The following KIAA1549L variants were observed in gnomAD, a reference collection of about 807,000 sequenced individuals.
KIAA1549L encodes the protein UPF0606 protein KIAA1549L.
KIAA1549L carries 88 observed loss-of-function variants against 160.7 expected under a neutral mutation model. The observed-to-expected ratio is 0.55, with a 90% CI of 0.46 to 0.65. The LOEUF is 0.65. Among genes scored for constraint, KIAA1549L ranks in the 30% least tolerant of loss-of-function variants. The pLI, the probability that KIAA1549L is intolerant of heterozygous loss-of-function variation, is 0.00. For missense variants in KIAA1549L, 2,258 were observed against 2,437.5 expected (o/e 0.93, Z 1.55); for synonymous variants, 950 against 976.7 (o/e 0.97, Z 0.51).
At chr11:33,463,995 G>T (rs950603083) in intron 1 of KIAA1549L, among the ~76,000 whole-genome samples, 1 of 152,160 alleles carries the variant, frequency 6.6e-6, no homozygotes, top group Non-Finnish European at 1.5e-5. Flanking sequence ...TGTTTGTTTA[G>T]TGCTTACCCT....
chr11:33,427,651 G>A (rs1851146204), intron 1 of KIAA1549L, among the ~76,000 whole-genome samples: 1 of 152,014 alleles, frequency 6.6e-6, no homozygotes, highest in Non-Finnish European at 1.5e-5. Flanking sequence ...TACCATAGAA[G>A]TCATCATTTT....
intron 16 of KIAA1549L, among the ~76,000 whole-genome samples, chr11:33,642,855 A>G (rs1181796343): frequency 6.6e-6 from 1 of 152,212 alleles, no homozygotes; most frequent in Non-Finnish European, 1.5e-5. Context: ...TCTATCTAAC[A>G]AGGGGAAGTG....
intron 1 of KIAA1549L, among the ~76,000 whole-genome samples, chr11:33,541,396 G>A (rs1343310395): frequency 2.0e-5 from 3 of 152,130 alleles, no homozygotes; most frequent in Admixed American, 6.6e-5. Flanking sequence ...AAAAAGATTC[G>A]TGCTTGAATA....
intron 18 of KIAA1549L, among the ~76,000 whole-genome samples, chr11:33,658,304 C>T (rs868444581): frequency 1.3e-5 from 2 of 152,090 alleles, no homozygotes; most frequent in African/African-American, 4.8e-5. Context: ...CCAGCTGTCC[C>T]GGGTCCCCTT....
intron 1 of KIAA1549L, among the ~76,000 whole-genome samples, chr11:33,435,759 G>GAGAGATATATAT: frequency 6.7e-5 from 1 of 14,988 alleles, no homozygotes; most frequent in East Asian, 1.9e-3. Flanking sequence ...GAACCAATAA[G>GAGAGATATATAT]ATATATATAT....
chr11:33,532,553 A>G (rs932747060), intron 1 of KIAA1549L, among the ~76,000 whole-genome samples: 2 of 152,228 alleles, frequency 1.3e-5, no homozygotes, highest in East Asian at 3.8e-4. Flanking sequence ...TGGCACACAG[A>G]GATGTTAAGT....
chr11:33,461,808 G>C (rs910087196), intron 1 of KIAA1549L, among the ~76,000 whole-genome samples: 2 of 152,208 alleles, frequency 1.3e-5, no homozygotes, highest in Non-Finnish European at 2.9e-5. Flanking sequence ...TTTTGCAGAT[G>C]TAGAAATTGA....
At chr11:33,406,353 C>T (rs1042683894) in intron 1 of KIAA1549L, among the ~76,000 whole-genome samples, 24 of 152,244 alleles carry the variant, frequency 1.6e-4, no homozygotes, top group African/African-American at 5.3e-4. Context: ...GGGTTCCTGC[C>T]GGCTGCGACT....
At chr11:33,448,185 C>T (rs4756694) in intron 1 of KIAA1549L, among the ~76,000 whole-genome samples, 23,909 of 152,056 alleles carry the variant, frequency 0.16, 2,475 homozygotes, top group East Asian at 0.32. Flanking sequence ...CCTATTAACC[C>T]GTCATCTAGG....
rs898168580 is a variant in KIAA1549L, at chr11:33,668,233, C to G, written c.*79C>G. The G allele has an allele frequency of 7.4e-7, 1 of 1,349,586 alleles. No homozygotes were observed. Among genetic ancestry groups the G allele is most frequent in the Admixed American group, 2.1e-5 (1 of 47,474 alleles). The allele number at this position is 1,349,586 out of a possible 1,614,324, so 83.6% of individuals were successfully genotyped here. On this transcript the variant is annotated 3_prime_UTR_variant, in exon 21 of 21. Transcript: ENST00000658780. Reference sequence around the variant, plus strand: ...GGTTTCCCATGCCTACGTGTTAGGACTTGAGACATAGCAATGGGTGAGTCT... The same window carrying G: ...GGTTTCCCATGCCTACGTGTTAGGAGTTGAGACATAGCAATGGGTGAGTCT...
intron 15 of KIAA1549L, among the ~76,000 whole-genome samples, chr11:33,613,605 T>G (rs946299501): frequency 6.6e-6 from 1 of 152,236 alleles, no homozygotes; most frequent in Middle Eastern, 3.4e-3. Flanking sequence ...GAGAACTCAT[T>G]GTCACAGGGA....
At chr11:33,424,623 T>C (rs552303094) in intron 1 of KIAA1549L, among the ~76,000 whole-genome samples, 45 of 152,348 alleles carry the variant, frequency 3.0e-4, no homozygotes, top group African/African-American at 1.0e-3. Flanking sequence ...GAGCTTATGT[T>C]AAGAAATAAA....
At chr11:33,565,430 A>G (rs1288053155) in intron 8 of KIAA1549L, among the ~76,000 whole-genome samples, 1 of 152,152 alleles carries the variant, frequency 6.6e-6, no homozygotes, top group Non-Finnish European at 1.5e-5. Flanking sequence ...ATCCTTTCTT[A>G]ACAGTGACAC....
intron 1 of KIAA1549L, among the ~76,000 whole-genome samples, chr11:33,486,329 C>A (rs1852525609): frequency 2.0e-5 from 3 of 152,258 alleles, no homozygotes; most frequent in African/African-American, 7.2e-5. Flanking sequence ...TATGATCCAG[C>A]AATTCCACTT....
At chr11:33,409,149 G>A (rs1021238805) in intron 1 of KIAA1549L, among the ~76,000 whole-genome samples, 4 of 151,506 alleles carry the variant, frequency 2.6e-5, no homozygotes, top group African/African-American at 7.3e-5. Flanking sequence ...TTTTGGAAGC[G>A]TTTACAAAGT....
At position 33,568,129 on chromosome 11, in the gene KIAA1549L, C is replaced by T. The variant is rs375194170; in HGVS notation, c.4132C>T (p.Arg1378Trp). 3.3e-5 allele frequency: 54 copies of T among 1,612,696 alleles called. No individual in the cohort carries two copies. Among genetic ancestry groups the T allele is most frequent in the South Asian group, 9.9e-5 (9 of 90,742 alleles). Residue 1378 changes from arginine to tryptophan, a missense_variant, in exon 9 of 21, where the codon CGG becomes TGG. This residue lies in a region of KIAA1549L where 1,359 missense variants were observed against 1,546.6 expected (regional missense o/e 0.88). Coordinates refer to ENST00000658780, the MANE Select transcript of KIAA1549L (RefSeq NM_012194.3). The stretch of plus-strand genomic sequence containing the variant: ...GGGCCTGCACAACCAGAGCTTTGCC[C>T]GGGTCATGGAGCAGCGCCTGGCCCA... The part of the protein sequence containing the change: ...LVGLHNQSFA[R>W]VMEQRLAQLF...
intron 16 of KIAA1549L, among the ~76,000 whole-genome samples, chr11:33,637,163 CT>C (rs1851457747): frequency 6.6e-6 from 1 of 152,180 alleles, no homozygotes; most frequent in Non-Finnish European, 1.5e-5. Context: ...GGTAAAGAGT[CT>C]TGGCTTCAAC....
chr11:33,507,196 G>A (rs993138531), intron 1 of KIAA1549L, among the ~76,000 whole-genome samples: 2 of 152,142 alleles, frequency 1.3e-5, no homozygotes, highest in African/African-American at 4.8e-5. Context: ...TGCTTGCTGA[G>A]GTCAGAGTCA....
At chr11:33,520,879 T>G (rs1201878232) in intron 1 of KIAA1549L, among the ~76,000 whole-genome samples, 1 of 152,142 alleles carries the variant, frequency 6.6e-6, no homozygotes, top group Non-Finnish European at 1.5e-5. Context: ...AAGTAACATC[T>G]CAGCCTGGTG....
Sources: gnomAD v4.1 joint callset for allele counts (sites outside exome capture counted in the v4.1 genomes callset) on GRCh38, gnomAD v4.1.1 for gene constraint, gnomAD v4.1.1 regional missense constraint, MANE v1.5 for transcripts, NCBI Gene and HGNC (gene_info 2026-07-23, HGNC 2026-07-21) for gene names.